PTPRS: variants seen among roughly 807,000 people sequenced by gnomAD.
PTPRS encodes the protein receptor-type tyrosine-protein phosphatase S.
In PTPRS, 63 loss-of-function variants were observed where a neutral mutation model predicts 215.3. That is an observed-to-expected ratio of 0.29 (90% CI 0.24 to 0.36). PTPRS has a LOEUF of 0.36. Ranked by LOEUF, PTPRS falls within the 10% of genes least tolerant of loss-of-function variation. The probability of loss-of-function intolerance (pLI) is 1.00; values close to 1 mark genes in which losing one functional copy is unlikely to be tolerated. For synonymous variants in PTPRS, 1,404 were observed against 1,191.4 expected (o/e 1.18, Z -3.68); for missense variants, 2,258 against 2,825.8 (o/e 0.80, Z 4.56).
chr19:5,235,789 T>C (rs2043392989), intron 13 of PTPRS, among the ~76,000 whole-genome samples: 1 of 152,192 alleles, frequency 6.6e-6, no homozygotes. Flanking sequence ...CCAGGCAGTA[T>C]GTTAAGGTCT....
Position 5,256,037 on chromosome 19 carries a change from T to A in PTPRS, c.718+71A>T. On this transcript the variant is annotated intron_variant, in intron 9 of 37. Coordinates refer to ENST00000262963, the MANE Select transcript of PTPRS (RefSeq NM_002850.4). ...CCGTGTGGTGTCTACATGTGTTTTG[T>A]GTGTGTGCGTGTCATTTTCAGAATG... is the stretch of plus-strand genomic sequence containing the variant. The A allele has an allele frequency of 2.9e-6, 4 of 1,374,936 alleles. No homozygotes were observed. In the South Asian group the frequency reaches 3.8e-5, roughly 13 times the overall value. The allele number at this position is 1,374,936 out of a possible 1,614,324, so 85.2% of individuals were successfully genotyped here.
At chr19:5,261,206 C>T (rs553240649) in intron 6 of PTPRS, among the ~76,000 whole-genome samples, 89 of 152,180 alleles carry the variant, frequency 5.8e-4, no homozygotes, top group African/African-American at 2.0e-3. Flanking sequence ...ATCACCCCCC[C>T]TTCCTTCTTT....
intron 12 of PTPRS, among the ~76,000 whole-genome samples, chr19:5,239,705 A>G (rs563135850): frequency 6.6e-6 from 1 of 152,010 alleles, no homozygotes; most frequent in Admixed American, 6.6e-5. Flanking sequence ...AGAGACAGAA[A>G]TAGAGAGAGA....
chr19:5,214,798 G>A, intron 28 of PTPRS, 62 bp from the exon 29 acceptor site: 13 of 1,503,512 alleles, frequency 8.6e-6, no homozygotes, highest in Non-Finnish European at 1.2e-5. Flanking sequence ...GGCTCTGTGT[G>A]GCCAACCACT....
intron 18 of PTPRS, 37 bp downstream of exon 18, chr19:5,222,652 C>G (rs765710929): frequency 6.7e-7 from 1 of 1,487,070 alleles, no homozygotes; most frequent in Non-Finnish European, 8.9e-7. Flanking sequence ...GCGCAAGGCC[C>G]GGTCCGGCTC....
chr19:5,325,381 A>G (rs2050141290), intron 1 of PTPRS, among the ~76,000 whole-genome samples: 1 of 152,232 alleles, frequency 6.6e-6, no homozygotes, highest in South Asian at 2.1e-4. Flanking sequence ...ACTGCTACGG[A>G]GTCGGGGGAT....
chr19:5,233,921 G>A (rs1186449003), intron 13 of PTPRS, among the ~76,000 whole-genome samples: 1 of 119,936 alleles, frequency 8.3e-6, no homozygotes, highest in Non-Finnish European at 1.6e-5. Flanking sequence ...ACTCCAGCCT[G>A]GGCAACAGGG....
At chr19:5,302,590 A>G (rs1000017169) in intron 1 of PTPRS, among the ~76,000 whole-genome samples, 8 of 152,028 alleles carry the variant, frequency 5.3e-5, no homozygotes, top group African/African-American at 1.7e-4. Context: ...TTACAAAGAG[A>G]TTGGCAGGTG....
rs1466111329 is a variant in PTPRS, at chr19:5,277,624, C to G, written c.92-3280G>C. On this transcript the variant is annotated intron_variant, in intron 2 of 37. Coordinates refer to ENST00000262963, the MANE Select transcript of PTPRS (RefSeq NM_002850.4). ...TGAGCCGAGATCGCGCCACCGCACTCCAGCCTGGGCGACAGAGTGAGACTC... is the reference window on the plus strand; with the variant it reads ...TGAGCCGAGATCGCGCCACCGCACTGCAGCCTGGGCGACAGAGTGAGACTC... 2.5e-4 allele frequency: 96 copies of G among 378,700 alleles called. 1 individual carries two copies. The highest frequency in any genetic ancestry group is 2.2e-3 in the South Asian group (93 of 42,056). 23.5% of individuals were successfully genotyped at this position (378,700 alleles called of 1,614,324 possible).
intron 9 of PTPRS, among the ~76,000 whole-genome samples, chr19:5,254,145 T>G (rs1205730968): frequency 1.3e-5 from 2 of 152,176 alleles, no homozygotes; most frequent in Non-Finnish European, 2.9e-5. Flanking sequence ...CTAGCTTTGG[T>G]GGAGGGGCTG....
Position 5,212,270 on chromosome 19 carries a change from G to C in PTPRS, c.4770-20C>G. The C allele has an allele frequency of 6.2e-7, 1 of 1,608,676 alleles. No homozygotes were observed. The highest frequency in any genetic ancestry group is 2.2e-5 in the East Asian group (1 of 44,708). ...CCGGCACTGCAGGGACAGCCACGTG[G>C]CGTTCAGGGGCTGCTGGGCTGCGGG... is the stretch of plus-strand genomic sequence containing the variant. On this transcript the variant is annotated intron_variant, in intron 31 of 37. Coordinates refer to ENST00000262963, the MANE Select transcript of PTPRS (RefSeq NM_002850.4).
In PTPRS at chr19:5,223,307, T is replaced by C. The variant is rs763192022; in HGVS notation, c.2495-10A>G. ...GTTGGGCGGCCCAGCACTGCGGGGA[T>C]ACGGGGCAGGTGTCAGGGTCCCAGC... On this transcript the variant is annotated splice_polypyrimidine_tract_variant and intron_variant, in intron 17 of 37. Transcript: ENST00000262963. 5 of 1,446,506 alleles carry C rather than the reference T, an allele frequency of 3.5e-6. No individual in the cohort carries two copies. Among genetic ancestry groups the C allele is most frequent in the Non-Finnish European group, 3.6e-6 (4 of 1,107,554 alleles). 89.6% of individuals were successfully genotyped at this position (1,446,506 alleles called of 1,614,324 possible). A position where few individuals can be genotyped will look rare whatever the true frequency, so the allele number is the denominator to read the frequency against.
intron 1 of PTPRS, among the ~76,000 whole-genome samples, chr19:5,326,479 C>A (rs1267273460): frequency 1.3e-5 from 2 of 152,120 alleles, no homozygotes; most frequent in African/African-American, 2.4e-5. Context: ...AAGAGCAAGA[C>A]AAAGTTTTCT....
intron 28 of PTPRS, 50 bp from the exon 29 acceptor site, chr19:5,214,786 TTGGCTCTGTG>T: frequency 4.5e-6 from 7 of 1,549,884 alleles, no homozygotes; most frequent in Non-Finnish European, 6.1e-6. Context: ...TCTTGCTAGT[TTGGCTCTGTG>T]TGGCCAACCA....
At chr19:5,334,862 GA>G (rs1415071864) in intron 1 of PTPRS, among the ~76,000 whole-genome samples, 1 of 152,198 alleles carries the variant, frequency 6.6e-6, no homozygotes, top group Non-Finnish European at 1.5e-5. Context: ...GCTGACAGGG[GA>G]CGGCAGGTTG....
chr19:5,315,470 T>A (rs1352779968), intron 1 of PTPRS, among the ~76,000 whole-genome samples: 1 of 145,958 alleles, frequency 6.9e-6, no homozygotes, highest in Non-Finnish European at 1.5e-5. Context: ...CTCAAGCAAT[T>A]CTCTTGCCTC....
intron 9 of PTPRS, among the ~76,000 whole-genome samples, chr19:5,247,391 G>A (rs2044597844): frequency 6.6e-6 from 1 of 152,096 alleles, no homozygotes; most frequent in Non-Finnish European, 1.5e-5. Context: ...ACAGGGGGAA[G>A]GGGAGGAGGC....
chr19:5,305,253 C>A (rs1465475982), intron 1 of PTPRS, among the ~76,000 whole-genome samples: 1 of 152,172 alleles, frequency 6.6e-6, no homozygotes, highest in Non-Finnish European at 1.5e-5. Context: ...CTCCTCAGAA[C>A]AGCTATTATT....
Position 5,271,674 on chromosome 19 carries a change from C to T in PTPRS, c.379+1768G>A, listed in dbSNP as rs997710345. Among the ~76,000 whole-genome samples, 6 of 149,402 alleles carry T rather than the reference C, an allele frequency of 4.0e-5. No homozygotes were observed. The East Asian group carries it at 8.1e-4, about 20-fold the overall frequency. On this transcript the variant is annotated intron_variant, in intron 4 of 37. Transcript: ENST00000262963. ...TGGCCTCCCAAAGTGCTGGGATTAC[C>T]GGCGTGAGCTACCGCGCCCAGCCAT... is the stretch of plus-strand genomic sequence containing the variant.
Sources: gnomAD v4.1 joint callset for allele counts (sites outside exome capture counted in the v4.1 genomes callset) on GRCh38, gnomAD v4.1.1 for gene constraint, MANE v1.5 for transcripts, NCBI Gene and HGNC (gene_info 2026-07-23, HGNC 2026-07-21) for gene names.